Variants in PPP2CA observed in about 807,000 individuals in gnomAD.
The protein encoded by PPP2CA is protein phosphatase 2 catalytic subunit alpha, also known as serine/threonine-protein phosphatase 2A catalytic subunit alpha isoform.
In PPP2CA, 5 loss-of-function variants were observed where a neutral mutation model predicts 38.8. The ratio of observed to expected loss-of-function variants is 0.13; its 90% CI spans 0.07 to 0.27. The LOEUF is 0.27. Among genes scored for constraint, PPP2CA ranks in the 10% least tolerant of loss-of-function variants. The probability of loss-of-function intolerance (pLI) is 1.00; values close to 1 mark genes in which losing one functional copy is unlikely to be tolerated. For synonymous variants in PPP2CA, 152 were observed against 134.0 expected, an observed-to-expected ratio of 1.13 and a Z score of -0.93; for missense variants, 88 against 389.7, an observed-to-expected ratio of 0.23 and a Z score of 6.52.
Position 134,195,210 on chromosome 5 carries a change from A to G in PPP2CA, c.*2562T>C, listed in dbSNP as rs930108200. 1.3e-4 allele frequency: 20 copies of G among 152,348 alleles called. No homozygotes were observed. The highest frequency in any genetic ancestry group is 4.1e-4 in the African/African-American group (17 of 41,578). 9.4% of individuals were successfully genotyped at this position (152,348 alleles called of 1,614,324 possible). On this transcript the variant is annotated 3_prime_UTR_variant, in exon 7 of 7. Transcript: ENST00000481195. ...TACAAATTCATTGTAAACTTACAAAATAAGTTTCAAAATTTCTGCAAGCCC... is the reference window on the plus strand; with the variant it reads ...TACAAATTCATTGTAAACTTACAAAGTAAGTTTCAAAATTTCTGCAAGCCC...
At chr5:134,218,310 A>C (rs559169007) in intron 1 of PPP2CA, among the ~76,000 whole-genome samples, 7 of 152,344 alleles carry the variant, frequency 4.6e-5, no homozygotes, top group Non-Finnish European at 7.3e-5. Flanking sequence ...AATGAGGGAT[A>C]ATTCTAAAAG....
Position 134,202,011 on chromosome 5 carries a change from C to A in PPP2CA, c.323G>T (p.Arg108Leu). Reference sequence around the variant, plus strand: ...CCCTCGAAGAATGGTGATGCGTTCACGGTAACGAACCTAAAACAATAAAAT... The same window carrying A: ...CCCTCGAAGAATGGTGATGCGTTCAAGGTAACGAACCTAAAACAATAAAAT... ...TLLVALKVRY[R>L]ERITILRGNH... The change falls in exon 3 of 7, where the codon CGT (arginine) becomes CTT (leucine). Residue 108 changes from arginine to leucine, a missense_variant. Physicochemically the swap from Arg to Leu is moderately radical, Grantham distance 102. This residue lies in a region of PPP2CA where 12 missense variants were observed against 20.6 expected (regional missense o/e 0.58). Transcript: ENST00000481195. 1.3e-6 allele frequency: 2 copies of A among 1,596,130 alleles called. No individual in the cohort carries two copies. Among genetic ancestry groups the A allele is most frequent in the South Asian group, 1.1e-5 (1 of 87,450 alleles).
At chr5:134,198,937 A>G (rs1761916935) in intron 6 of PPP2CA, 149 bp downstream of exon 6, 13 of 627,046 alleles carry the variant, frequency 2.1e-5, no homozygotes, top group Non-Finnish European at 3.7e-5. Flanking sequence ...TAACCCCAAC[A>G]CTCTAGGAGG....
intron 1 of PPP2CA, among the ~76,000 whole-genome samples, chr5:134,221,673 T>C (rs1041043464): frequency 1.3e-5 from 2 of 151,874 alleles, no homozygotes; most frequent in South Asian, 2.1e-4. Flanking sequence ...GCAATGAAAA[T>C]AAAAATAATG....
At chr5:134,206,377 T>C (rs1580641309) in intron 1 of PPP2CA, among the ~76,000 whole-genome samples, 1 of 152,174 alleles carries the variant, frequency 6.6e-6, no homozygotes, top group Non-Finnish European at 1.5e-5. Context: ...ACCTATCAAA[T>C]AGCCATCTAA....
intron 1 of PPP2CA, among the ~76,000 whole-genome samples, chr5:134,223,314 T>C (rs1480659481): frequency 1.3e-5 from 2 of 152,178 alleles, no homozygotes; most frequent in African/African-American, 4.8e-5. Context: ...ATATTAACAG[T>C]GAAAGACAGC....
intron 1 of PPP2CA, among the ~76,000 whole-genome samples, chr5:134,216,537 CAAAAAA>C (rs748030385): frequency 0.013 from 381 of 29,586 alleles, 10 homozygotes; most frequent in African/African-American, 0.04. Flanking sequence ...GAGACTGCCT[CAAAAAA>C]AAAAAAAAAA....
At chr5:134,218,366 C>G (rs1471718401) in intron 1 of PPP2CA, among the ~76,000 whole-genome samples, 1 of 152,172 alleles carries the variant, frequency 6.6e-6, no homozygotes, top group African/African-American at 2.4e-5. Context: ...CCATCTGTTT[C>G]TGCAATATCA....
intron 2 of PPP2CA, 34 bp downstream of exon 2, chr5:134,205,888 A>C (rs1232676729): frequency 9.5e-6 from 15 of 1,581,984 alleles, no homozygotes; most frequent in African/African-American, 8.1e-5. Context: ...TGTCTTACCC[A>C]TTTCAACATG....
chr5:134,205,808 T>C, intron 2 of PPP2CA, 114 bp downstream of exon 2: 1 of 910,380 alleles, frequency 1.1e-6, no homozygotes, highest in South Asian at 1.6e-5. Context: ...TATGCATTCC[T>C]AAATGTGGAA....
chr5:134,202,736 G>A (rs1761994690), intron 2 of PPP2CA, among the ~76,000 whole-genome samples: 1 of 152,100 alleles, frequency 6.6e-6, no homozygotes, highest in Admixed American at 6.6e-5. Context: ...ATTTCTTTTA[G>A]GAAGATTCCT....
chr5:134,201,893 T>C lies in PPP2CA; in HGVS notation c.441A>G (p.Thr147=), dbSNP rs998980438. The change falls in exon 3 of 7, where the codon ACA becomes ACG. Residue 147 remains threonine (T), a synonymous_variant. Coordinates refer to ENST00000481195, the MANE Select transcript of PPP2CA (RefSeq NM_002715.4). ...YGNANVWKYF[T]DLFDYLPLTA... Reference sequence around the variant, plus strand: ...TGAGAGGAAGATAGTCAAAAAGATCTGTAAAATATTTCCAAACATTTGCAT... The same window carrying C: ...TGAGAGGAAGATAGTCAAAAAGATCCGTAAAATATTTCCAAACATTTGCAT... 5.0e-6 allele frequency: 8 copies of C among 1,613,894 alleles called. No individual in the cohort carries two copies. Among genetic ancestry groups the C allele is most frequent in the African/African-American group, 4.0e-5 (3 of 74,938 alleles).
At position 134,197,806 on chromosome 5, in the gene PPP2CA, T is replaced by C; in HGVS notation, c.896A>G (p.His299Arg). Residue 299 changes from histidine (H) to arginine (R), a missense_variant, in exon 7 of 7, where the codon CAT becomes CGT. Physicochemically the swap from His to Arg is conservative, Grantham distance 29. Around this residue, in one of 4 missense-constraint regions of PPP2CA, gnomAD observed 36 missense variants for 259.8 expected, o/e 0.14. Transcript: ENST00000481195. ...FDPAPRRGEP[H>R]VTRRTPDYFL ...GTAGTCTGGGGTACGACGAGTAACA[T>C]GTGGCTCGCCTCTACGAGGTGCTGG... 1 of 1,614,118 alleles carries C rather than the reference T, an allele frequency of 6.2e-7. No homozygotes were observed. Among genetic ancestry groups the C allele is most frequent in the Non-Finnish European group, 8.5e-7 (1 of 1,180,014 alleles).
rs1292135431 is a variant in PPP2CA at position 134,225,769 on chromosome 5, G to C, written c.93C>G (p.Leu31=). 6.2e-7 allele frequency: 1 copy of C among 1,607,548 alleles called. No homozygotes were observed. The highest frequency in any genetic ancestry group is 1.4e-5 in the African/African-American group (1 of 74,050). Residue 31 remains leucine (L), a synonymous_variant, in exon 1 of 7, where the codon CTC becomes CTG. Coordinates refer to ENST00000481195, the MANE Select transcript of PPP2CA (RefSeq NM_002715.4). ...CCGTACTACAGCTCACCTTCTCGCA[G>C]AGGCTCTTGACCTGGGACTCGGACA... The part of the protein sequence containing the change: ...KQLSESQVKS[L]CEKAKEILTK...
intron 1 of PPP2CA, among the ~76,000 whole-genome samples, chr5:134,213,379 T>C (rs556812983): frequency 6.6e-6 from 1 of 151,412 alleles, no homozygotes; most frequent in Non-Finnish European, 1.5e-5. Context: ...CACGGTATAC[T>C]GAATATTTTA....
intron 3 of PPP2CA, 143 bp downstream of exon 3, chr5:134,201,700 ATTTTT>A (rs751720693): frequency 1.3e-4 from 116 of 922,028 alleles, no homozygotes; most frequent in Non-Finnish European, 1.6e-4. Context: ...GTCAAATTAA[ATTTTT>A]TTTAAGTTTG....
At chr5:134,207,432 ATTCCTTCCCCTAAT>A (rs1762107697) in intron 1 of PPP2CA, among the ~76,000 whole-genome samples, 1 of 152,126 alleles carries the variant, frequency 6.6e-6, no homozygotes, top group Admixed American at 6.6e-5. Context: ...ACCAATGCCC[ATTCCTTCCCCTAAT>A]AAAGTCAGAA....
At chr5:134,209,993 G>C (rs1346242607) in intron 1 of PPP2CA, among the ~76,000 whole-genome samples, 1 of 151,760 alleles carries the variant, frequency 6.6e-6, no homozygotes, top group East Asian at 1.9e-4. Flanking sequence ...TAGGAGAATC[G>C]CTTGAGCCCA....
At chr5:134,199,804 A>G (rs1761936345) in intron 5 of PPP2CA, among the ~76,000 whole-genome samples, 1 of 152,154 alleles carries the variant, frequency 6.6e-6, no homozygotes, top group South Asian at 2.1e-4. Flanking sequence ...CTTTACCTTT[A>G]GCAAAGTCAG....
Sources: gnomAD v4.1 joint callset for allele counts (sites outside exome capture counted in the v4.1 genomes callset) on GRCh38, gnomAD v4.1.1 for gene constraint, gnomAD v4.1.1 regional missense constraint, MANE v1.5 for transcripts, NCBI Gene and HGNC (gene_info 2026-07-23, HGNC 2026-07-21) for gene names.